GBX2: variants seen among roughly 807,000 people sequenced by gnomAD.
The protein encoded by GBX2 is homeobox protein GBX-2.
In GBX2, 5 loss-of-function variants were observed where a neutral mutation model predicts 22.4. That is an observed-to-expected ratio of 0.22 (90% CI 0.12 to 0.47). The LOEUF is 0.47. Among genes scored for constraint, GBX2 ranks in the 20% least tolerant of loss-of-function variants. The pLI is 0.99. For synonymous variants in GBX2, 220 were observed against 230.5 expected, an observed-to-expected ratio of 0.95 and a Z score of 0.41; for missense variants, 470 against 495.4, an observed-to-expected ratio of 0.95 and a Z score of 0.49.
chr2:236,167,140 G>T (rs1415074972), intron 1 of GBX2: 1 of 1,535,564 alleles, frequency 6.5e-7, no homozygotes, highest in Non-Finnish European at 8.7e-7. Flanking sequence ...CAACCTACCC[G>T]GAACCCCAGG....
chr2:236,167,822 G>A lies in GBX2; in HGVS notation c.150C>T (p.Tyr50=). The part of the protein sequence containing the change: ...VYTGYPMFMP[Y]RPVVLPPPPP... ...GCGGCGGCGGCAGCACTACCGGCCG[G>A]TAGGGCATGAACATGGGGTAGCCGG... The change falls in exon 1 of 2, where the codon TAC becomes TAT. Residue 50 remains tyrosine (Y), a synonymous_variant. Coordinates refer to ENST00000306318, the MANE Select transcript of GBX2 (RefSeq NM_001485.4). 6.9e-7 allele frequency: 1 copy of A among 1,454,912 alleles called. No homozygotes were observed. The highest frequency in any genetic ancestry group is 9.1e-7 in the Non-Finnish European group (1 of 1,099,618). 90.1% of individuals were successfully genotyped at this position (1,454,912 alleles called of 1,614,324 possible).
At chr2:236,165,176 G>A (rs6705037), downstream of GBX2, 58,822 of 151,996 alleles carry the variant, frequency 0.39, 12,944 homozygotes, top group African/African-American at 0.6. Flanking sequence ...CAGTTGCCCG[G>A]CCACACCCTG....
chr2:236,167,607 G>A lies in GBX2; in HGVS notation c.365C>T (p.Ala122Val), dbSNP rs1410427695. The change falls in exon 1 of 2, where the codon GCA becomes GTA. Residue 122 changes from alanine (A) to valine (V), a missense_variant. Transcript: ENST00000306318. Reference protein sequence around the residue: ...FSASPQHQEAAAARKFAPQPL... With the variant: ...FSASPQHQEAVAARKFAPQPL... The stretch of plus-strand genomic sequence containing the variant: ...CTGCGGCGCGAACTTGCGGGCCGCT[G>A]CCGCCTCCTGGTGCTGGGGCGACGC... 3.3e-5 allele frequency: 53 copies of A among 1,593,524 alleles called. No individual in the cohort carries two copies. Among genetic ancestry groups the A allele is most frequent in the Non-Finnish European group, 4.4e-5 (52 of 1,174,138 alleles).
In GBX2 at chr2:236,166,999, G is replaced by A. The variant is rs914271140; in HGVS notation, c.523+450C>T. The A allele has an allele frequency of 3.0e-4, 233 of 779,424 alleles. No homozygotes were observed. The Admixed American group carries it at 4.9e-3, about 16-fold the overall frequency. 48.3% of individuals were successfully genotyped at this position (779,424 alleles called of 1,614,324 possible). On this transcript the variant is annotated intron_variant, in intron 1 of 1. Transcript: ENST00000306318. This position sits in a 1 kb window ranked among gnomAD's most constrained non-coding sequence, Gnocchi z 6.6. Reference sequence around the variant, plus strand: ...CAGACACCCCCAACACAAACACACAGGCACAGCCTCCCAGCAGTCCGTTTC... The same window carrying A: ...CAGACACCCCCAACACAAACACACAAGCACAGCCTCCCAGCAGTCCGTTTC...
downstream of GBX2, among the ~76,000 whole-genome samples, chr2:236,163,946 C>G (rs1203803015): frequency 6.6e-6 from 1 of 152,080 alleles, no homozygotes; most frequent in Non-Finnish European, 1.5e-5. Context: ...CTCGGCGCCC[C>G]GCAGAGCCGG....
In GBX2 at chr2:236,168,169, G is replaced by T. The variant is rs1344386927; in HGVS notation, c.-198C>A. On this transcript the variant is annotated 5_prime_UTR_variant, in exon 1 of 2. Transcript: ENST00000306318. Reference sequence around the variant, plus strand: ...TGCAGGGGGTGTGCGGGGTGAGGCCGTGCGCCCCGGAGTGGAGAGGGCGCC... The same window carrying T: ...TGCAGGGGGTGTGCGGGGTGAGGCCTTGCGCCCCGGAGTGGAGAGGGCGCC... 2.3e-6 allele frequency: 1 copy of T among 436,564 alleles called. No individual in the cohort carries two copies. The highest frequency in any genetic ancestry group is 3.6e-6 in the Non-Finnish European group (1 of 279,288). The allele number at this position is 436,564 out of a possible 1,614,324, so 27.0% of individuals were successfully genotyped here. A position where few individuals can be genotyped will look rare whatever the true frequency, so the allele number is the denominator to read the frequency against.
chr2:236,167,824 A>G lies in GBX2; in HGVS notation c.148T>C (p.Tyr50His). The G allele has an allele frequency of 1.4e-6, 2 of 1,455,506 alleles. No individual in the cohort carries two copies. The highest frequency in any genetic ancestry group is 9.1e-7 in the Non-Finnish European group (1 of 1,099,916). The allele number at this position is 1,455,506 out of a possible 1,614,324, so 90.2% of individuals were successfully genotyped here. A position where few individuals can be genotyped will look rare whatever the true frequency, so the allele number is the denominator to read the frequency against. ...VYTGYPMFMP[Y>H]RPVVLPPPPP... ...GGCGGCGGCAGCACTACCGGCCGGT[A>G]GGGCATGAACATGGGGTAGCCGGTG... The change falls in exon 1 of 2, where the codon TAC becomes CAC. Residue 50 changes from tyrosine to histidine, a missense_variant. Tyr to His is a moderately conservative substitution (Grantham distance 83). Coordinates refer to ENST00000306318, the MANE Select transcript of GBX2 (RefSeq NM_001485.4).
At chr2:236,167,037 A>G in intron 1 of GBX2, 1 of 1,035,124 alleles carries the variant, frequency 9.7e-7, no homozygotes, top group Non-Finnish European at 1.4e-6. Context: ...CCAGACAAGT[A>G]GCAAGACCAG....
chr2:236,166,178 C>A lies in GBX2; in HGVS notation c.783G>T (p.Glu261Asp). 1.2e-6 allele frequency: 2 copies of A among 1,614,036 alleles called. No homozygotes were observed. The highest frequency in any genetic ancestry group is 1.7e-6 in the Non-Finnish European group (2 of 1,180,038). ...RTAFTSEQLL[E>D]LEKEFHCKKY... ...TTTTGCAGTGGAACTCCTTCTCTAG[C>A]TCCAGCAGCTGCTCGCTGGTGAAGG... The change falls in exon 2 of 2, where the codon GAG becomes GAT. Residue 261 changes from glutamate (E) to aspartate (D), a missense_variant. Glu to Asp is a conservative substitution (Grantham distance 45, BLOSUM62 2). Around this residue, in one of 4 missense-constraint regions of GBX2, gnomAD observed 40 missense variants for 55.1 expected, o/e 0.73. Transcript: ENST00000306318. The surrounding 1 kb of genome is among the most constrained non-coding windows in gnomAD (Gnocchi z 6.6).
chr2:236,167,139 C>A (rs1424627985), intron 1 of GBX2: 5 of 1,535,566 alleles, frequency 3.3e-6, no homozygotes, highest in Non-Finnish European at 4.4e-6. Context: ...GCAACCTACC[C>A]GGAACCCCAG....
In GBX2 at chr2:236,168,116, G is replaced by A. The variant is rs1650563560; in HGVS notation, c.-145C>T. The A allele has an allele frequency of 1.2e-6, 1 of 828,638 alleles. No homozygotes were observed. Among genetic ancestry groups the A allele is most frequent in the African/African-American group, 1.8e-5 (1 of 55,358 alleles). 51.3% of individuals were successfully genotyped at this position (828,638 alleles called of 1,614,324 possible). ...GGAGAGCAGACGCCTCCGCCCCTCAGTCCTGGGCCCGCTGCATGCCGGGCG... is the reference window on the plus strand; with the variant it reads ...GGAGAGCAGACGCCTCCGCCCCTCAATCCTGGGCCCGCTGCATGCCGGGCG... On this transcript the variant is annotated 5_prime_UTR_variant, in exon 1 of 2. Transcript: ENST00000306318.
At position 236,167,436 on chromosome 2, in the gene GBX2, G is replaced by A. The variant is rs370277102; in HGVS notation, c.523+13C>T. The A allele has an allele frequency of 2.1e-4, 317 of 1,496,126 alleles. 1 individual carries two copies. The African/African-American group carries it at 3.9e-3, about 19-fold the overall frequency. 92.7% of individuals were successfully genotyped at this position (1,496,126 alleles called of 1,614,324 possible). On this transcript the variant is annotated intron_variant, in intron 1 of 1. Coordinates refer to ENST00000306318, the MANE Select transcript of GBX2 (RefSeq NM_001485.4). ...CCGCCCCCTCGTCCCGGCTGCGCGCGCCGCCGACTCACCGAGCGAAGCCTG... is the reference window on the plus strand; with the variant it reads ...CCGCCCCCTCGTCCCGGCTGCGCGCACCGCCGACTCACCGAGCGAAGCCTG...
chr2:236,161,925 G>A (rs1052563766), downstream of GBX2, among the ~76,000 whole-genome samples: 1 of 152,204 alleles, frequency 6.6e-6, no homozygotes, highest in African/African-American at 2.4e-5. Flanking sequence ...AAAGGCTCCT[G>A]AGGCCGGAAA....
Position 236,167,474 on chromosome 2 carries a change from C to A in GBX2, c.498G>T (p.Ala166=). Residue 166 remains alanine, a synonymous_variant, in exon 1 of 2, where the codon GCG becomes GCT. Coordinates refer to ENST00000306318, the MANE Select transcript of GBX2 (RefSeq NM_001485.4). ...CGAGCGAAGCCTGCACCGTCTCGGCCGCGGAGAAGGCGAGCAGCGAGCCCT... is the reference window on the plus strand; with the variant it reads ...CGAGCGAAGCCTGCACCGTCTCGGCAGCGGAGAAGGCGAGCAGCGAGCCCT... ...AKEGSLLAFS[A]AETVQASLVG... 1 of 1,580,186 alleles carries A rather than the reference C, an allele frequency of 6.3e-7. No individual in the cohort carries two copies. Among genetic ancestry groups the A allele is most frequent in the East Asian group, 2.4e-5 (1 of 42,018 alleles).
Position 236,166,114 on chromosome 2 carries a change from C to A in GBX2, c.847G>T (p.Ala283Ser), listed in dbSNP as rs1228748450. ...ACCTGCACCTCGCTGAGTTTGAGGG[C>A]GTGGGCGATCTGCGAGCGCTCGGTC... Reference protein sequence around the residue: ...SLTERSQIAHALKLSEVQVKI... With the variant: ...SLTERSQIAHSLKLSEVQVKI... The change falls in exon 2 of 2, where the codon GCC becomes TCC. Residue 283 changes from alanine (A) to serine (S), a missense_variant. Ala to Ser is a moderately conservative substitution (Grantham distance 99, BLOSUM62 1). Coordinates refer to ENST00000306318, the MANE Select transcript of GBX2 (RefSeq NM_001485.4). This position sits in a 1 kb window ranked among gnomAD's most constrained non-coding sequence, Gnocchi z 6.6. 6.2e-7 allele frequency: 1 copy of A among 1,614,188 alleles called. No individual in the cohort carries two copies. Among genetic ancestry groups the A allele is most frequent in the Middle Eastern group, 1.6e-4 (1 of 6,062 alleles).
rs1163369973 is a variant in GBX2 at position 236,168,010 on chromosome 2, C to CCCGCG, written c.-44_-40dup. The stretch of plus-strand genomic sequence containing the variant: ...AGAGGCCAGCGAGAGGCGAAAAGTC[C>CCCGCG]CCGCGCCGCGCCGCCGCCGGGAAGC... On this transcript the variant is annotated 5_prime_UTR_variant, in exon 1 of 2. Transcript: ENST00000306318. The CCCGCG allele has an allele frequency of 9.1e-6, 13 of 1,433,942 alleles. No individual in the cohort carries two copies. The highest frequency in any genetic ancestry group is 1.5e-5 in the African/African-American group (1 of 66,754). 88.8% of individuals were successfully genotyped at this position (1,433,942 alleles called of 1,614,324 possible).
chr2:236,168,067 C>G lies in GBX2; in HGVS notation c.-96G>C. ...GACGCCGGGAGCACCGCCGGGAGCG[C>G]CGGGCAGGGGCCGAGCGGGACCCGG... is the stretch of plus-strand genomic sequence containing the variant. On this transcript the variant is annotated 5_prime_UTR_variant, in exon 1 of 2. Coordinates refer to ENST00000306318, the MANE Select transcript of GBX2 (RefSeq NM_001485.4). The G allele has an allele frequency of 7.7e-7, 1 of 1,292,362 alleles. No homozygotes were observed. Among genetic ancestry groups the G allele is most frequent in the African/African-American group, 1.6e-5 (1 of 63,684 alleles). 80.1% of individuals were successfully genotyped at this position (1,292,362 alleles called of 1,614,324 possible).
chr2:236,165,981 A>G lies in GBX2; in HGVS notation c.980T>C (p.Ile327Thr). 6.2e-7 allele frequency: 1 copy of G among 1,614,084 alleles called. No individual in the cohort carries two copies. The highest frequency in any genetic ancestry group is 8.5e-7 in the Non-Finnish European group (1 of 1,180,002). ...PSRNPKIVVP[I>T]PVHVSRFAIR... ...AGCGAACCTGCTGACGTGGACAGGG[A>G]TGGGGACGACGATCTTAGGGTTCCG... Residue 327 changes from isoleucine (I) to threonine (T), a missense_variant, in exon 2 of 2, where the codon ATC (isoleucine) becomes ACC (threonine). By Grantham distance (89) the Ile-to-Thr change is moderately conservative. This residue lies in a region of GBX2 where 50 missense variants were observed against 59.1 expected (regional missense o/e 0.85). Transcript: ENST00000306318.
At chr2:236,164,088 C>T (rs150296041), downstream of GBX2, among the ~76,000 whole-genome samples, 501 of 152,338 alleles carry the variant, frequency 3.3e-3, 3 homozygotes, top group African/African-American at 0.011. Context: ...CTTCACCCTG[C>T]GCCTGAAGTT....
Sources: allele counts gnomAD v4.1 joint callset (sites outside exome capture counted in the v4.1 genomes callset), GRCh38; gene constraint gnomAD v4.1.1; regional missense constraint gnomAD v4.1.1; non-coding constraint Gnocchi (gnomAD v3.1); transcripts MANE v1.5; gene names NCBI Gene and HGNC (gene_info 2026-07-23, HGNC 2026-07-21).